Variants in COL6A5 observed in about 807,000 individuals in gnomAD.
COL6A5 encodes the protein collagen alpha-5(VI) chain.
Under a neutral mutation model 65.6 loss-of-function variants are expected in COL6A5, and 48 were observed. The ratio of observed to expected loss-of-function variants is 0.73; its 90% CI spans 0.58 to 0.93. The LOEUF (loss-of-function observed/expected upper bound fraction) is 0.93. Among genes scored for constraint, COL6A5 ranks in the 40% least tolerant of loss-of-function variants. The pLI is 0.00. For missense variants in COL6A5, 914 were observed against 928.3 expected, an observed-to-expected ratio of 0.98 and a Z score of 0.20; for synonymous variants, 291 against 322.8, an observed-to-expected ratio of 0.90 and a Z score of 1.05.
chr3:130,409,900 C>A, intron 18 of COL6A5, 109 bp from the exon 19 acceptor site: 1 of 630,434 alleles, frequency 1.6e-6, no homozygotes, highest in South Asian at 2.9e-5. Context: ...AAATTTCTCA[C>A]ACCTCTTATA....
At chr3:130,418,135 T>C (rs954007359) in intron 24 of COL6A5, among the ~76,000 whole-genome samples, 3 of 152,102 alleles carry the variant, frequency 2.0e-5, no homozygotes, top group Admixed American at 6.6e-5. Flanking sequence ...ATACAACATA[T>C]ATGTATATCA....
At chr3:130,413,824 G>A (rs1937256322) in intron 21 of COL6A5, among the ~76,000 whole-genome samples, 1 of 150,972 alleles carries the variant, frequency 6.6e-6, no homozygotes, top group African/African-American at 2.4e-5. Flanking sequence ...CAAATATTGT[G>A]CATTTGACTG....
chr3:130,440,341 C>G, exon 3 of COL6A5: 1 of 1,613,442 alleles, frequency 6.2e-7, no homozygotes. Flanking sequence ...ACCCTTTAAT[C>G]TCAGACTCTG....
In COL6A5 at chr3:130,389,067, T is replaced by C. The variant is rs750651742; in HGVS notation, c.2349T>C (p.His783=). The change falls in exon 6 of 42, where the codon CAT becomes CAC. Residue 783 remains histidine, a synonymous_variant and NMD_transcript_variant. Transcript: ENST00000312481. ...GTGGGGATAGCAGCCTAGTTTTTCATGTTGAGAACTTCGATCATCTAAAGG... is the reference window on the plus strand; with the variant it reads ...GTGGGGATAGCAGCCTAGTTTTTCACGTTGAGAACTTCGATCATCTAAAGG... The C allele has an allele frequency of 1.0e-5, 15 of 1,486,080 alleles. 1 individual carries two copies. The South Asian group carries it at 2.0e-4, about 20-fold the overall frequency. The allele number at this position is 1,486,080 out of a possible 1,614,324, so 92.1% of individuals were successfully genotyped here.
upstream of COL6A5, among the ~76,000 whole-genome samples, chr3:130,428,528 C>T (rs894236386): frequency 5.9e-5 from 9 of 152,162 alleles, no homozygotes; most frequent in African/African-American, 2.2e-4. Context: ...TAGGAAAAAT[C>T]AACTTTAAAG....
chr3:130,426,192 G>C, intron 29 of COL6A5, 22 bp from the exon 30 acceptor site: 1 of 1,550,370 alleles, frequency 6.5e-7, no homozygotes, highest in Non-Finnish European at 8.7e-7. Context: ...CCACTAACTT[G>C]CTCTGTTTTT....
rs1353613 is a variant in COL6A5, at chr3:130,395,239, C to G, written c.3342C>G (p.Ile1114Met). The change falls in exon 8 of 42, where the codon ATC (isoleucine) becomes ATG (methionine). Residue 1114 changes from isoleucine to methionine, a missense_variant and NMD_transcript_variant. By Grantham distance (10) the Ile-to-Met change is conservative. Transcript: ENST00000312481. ...GTGTCCCCCAAACTTTGGTTGTTAT[C>G]ACATCTGGAGATCCTCGCTATGATG... 45,950 of 1,551,580 alleles carry G rather than the reference C, an allele frequency of 0.03. 4,049 individuals carry two copies. In the East Asian group the frequency reaches 0.37, roughly 13 times the overall value.
intron 14 of COL6A5, 101 bp downstream of exon 14, chr3:130,405,760 T>C: frequency 9.7e-7 from 1 of 1,032,608 alleles, no homozygotes; most frequent in South Asian, 1.5e-5. Context: ...CCATCACTCC[T>C]CTCTCTTTTC....
At chr3:130,395,560 T>G in intron 8 of COL6A5, 95 bp downstream of exon 8, 1 of 895,686 alleles carries the variant, frequency 1.1e-6, no homozygotes, top group Admixed American at 2.8e-5. Flanking sequence ...GAGCATATAT[T>G]TAGAACATAT....
At chr3:130,398,133 T>TTG (rs1936680310) in intron 10 of COL6A5, 22 bp downstream of exon 10, 1 of 1,421,800 alleles carries the variant, frequency 7.0e-7, no homozygotes, top group African/African-American at 1.5e-5. Context: ...TTGTTGTTTT[T>TTG]TTTTTTTTTT....
intron 4 of COL6A5, 92 bp downstream of exon 36, chr3:130,443,658 T>G: frequency 1.4e-6 from 1 of 701,122 alleles, no homozygotes; most frequent in Non-Finnish European, 2.5e-6. Flanking sequence ...CTGATGATGC[T>G]AACAAGGTCT....
Position 130,346,247 on chromosome 3 carries a change from A to C in COL6A5, c.-29+266A>C, listed in dbSNP as rs116435401. On this transcript the variant is annotated intron_variant and NMD_transcript_variant, in intron 1 of 41. Transcript: ENST00000312481. ...TGCCCTTGAAACTTGTTAGAAATGCAAATTCCTGGACCCCACAAAACCCTG... is the reference window on the plus strand; with the variant it reads ...TGCCCTTGAAACTTGTTAGAAATGCCAATTCCTGGACCCCACAAAACCCTG... 7.7e-3 allele frequency among the ~76,000 whole-genome samples: 1,170 copies of C among 152,310 alleles called. 9 individuals are homozygous for C. The highest frequency in any genetic ancestry group is 0.012 in the Non-Finnish European group (807 of 68,026).
rs1180826100 is a variant in COL6A5, at chr3:130,471,911, C to T, written c.2328+944C>T. On this transcript the variant is annotated intron_variant, in intron 7 of 7. Coordinates refer to ENST00000512836, the Ensembl canonical transcript of COL6A5. ...AATTTCAGCTCTAGTGGTTGATAAA[C>T]AGCAAGAAAAAGAAGGTAATCGTGA... 1.2e-5 allele frequency: 19 copies of T among 1,534,480 alleles called. No homozygotes were observed. In the East Asian group the frequency reaches 1.7e-4, roughly 14 times the overall value.
chr3:130,377,233 A>G (rs1935819834), intron 3 of COL6A5, among the ~76,000 whole-genome samples: 1 of 152,170 alleles, frequency 6.6e-6, no homozygotes, highest in Non-Finnish European at 1.5e-5. Context: ...AGCAAGAAAC[A>G]GGTAGCACAT....
At chr3:130,438,459 T>C (rs1377310190) in intron 1 of COL6A5, among the ~76,000 whole-genome samples, 1 of 152,056 alleles carries the variant, frequency 6.6e-6, no homozygotes, top group African/African-American at 2.4e-5. Context: ...ATGAATAAAC[T>C]TCCTTGGTTT....
intron 5 of COL6A5, 49 bp downstream of exon 37, chr3:130,455,715 T>C: frequency 6.9e-7 from 1 of 1,446,362 alleles, no homozygotes; most frequent in Non-Finnish European, 9.6e-7. Context: ...GCCAGGATCC[T>C]CATCTTTTAA....
At chr3:130,476,540 T>C (rs188636655) in intron 7 of COL6A5, among the ~76,000 whole-genome samples, 73 of 152,226 alleles carry the variant, frequency 4.8e-4, no homozygotes, top group Admixed American at 1.6e-3. Context: ...ACACCCCATA[T>C]CAATTAAGTC....
At chr3:130,410,431 T>A (rs985427867) in intron 19 of COL6A5, 40 bp from the exon 20 acceptor site, 25 of 1,477,000 alleles carry the variant, frequency 1.7e-5, no homozygotes, top group Admixed American at 8.0e-5. Context: ...TTATTCAGAA[T>A]TTTTTCCTTT....
chr3:130,391,536 A>T, exon 7 of COL6A5: 1 of 1,551,700 alleles, frequency 6.4e-7, no homozygotes, highest in Non-Finnish European at 8.7e-7. Context: ...GTCATCACCG[A>T]TGGGGAATCC....
Sources: allele counts gnomAD v4.1 joint callset (sites outside exome capture counted in the v4.1 genomes callset), GRCh38; gene constraint gnomAD v4.1.1; transcripts MANE v1.5; gene names NCBI Gene and HGNC (gene_info 2026-07-23, HGNC 2026-07-21).